The following CCDC144A variants were observed in gnomAD, a reference collection of about 807,000 sequenced individuals.
The protein encoded by CCDC144A is coiled-coil domain containing 144A, also known as coiled-coil domain-containing protein 144A.
In CCDC144A, 41 loss-of-function variants were observed where a neutral mutation model predicts 143.8. That is an observed-to-expected ratio of 0.29 (90% confidence interval 0.22 to 0.37). The LOEUF is 0.37. Ranked by LOEUF, CCDC144A falls within the 10% of genes least tolerant of loss-of-function variation. The pLI, the probability that CCDC144A is intolerant of heterozygous loss-of-function variation, is 1.00. For missense variants in CCDC144A, 637 were observed against 1,488.8 expected, an observed-to-expected ratio of 0.43 and a Z score of 9.41; for synonymous variants, 242 against 517.9, an observed-to-expected ratio of 0.47 and a Z score of 7.23.
chr17:16,680,244 C>T, the CCDC144A span, among the ~76,000 whole-genome samples: 2 of 151,924 alleles, frequency 1.3e-5, no homozygotes, highest in African/African-American at 4.8e-5. Flanking sequence ...GCCTGGGCAA[C>T]ATGGTGAACC....
intron 12 of CCDC144A, among the ~76,000 whole-genome samples, chr17:16,749,210 CTT>C (rs1914673285): frequency 6.6e-6 from 1 of 152,124 alleles, no homozygotes; most frequent in African/African-American, 2.4e-5. Flanking sequence ...ATCTGTCTAA[CTT>C]TTCAACATAT....
the CCDC144A span, among the ~76,000 whole-genome samples, chr17:16,684,527 C>T: frequency 5.9e-5 from 9 of 151,886 alleles, no homozygotes; most frequent in East Asian, 3.9e-4. Context: ...TGGTGGTGTG[C>T]GCCTGTGGTC....
intron 12 of CCDC144A, among the ~76,000 whole-genome samples, chr17:16,754,802 C>T (rs1406506012): frequency 6.6e-6 from 1 of 152,144 alleles, no homozygotes; most frequent in Non-Finnish European, 1.5e-5. Context: ...TTAGATGATC[C>T]CTTCAATGCT....
intron 12 of CCDC144A, among the ~76,000 whole-genome samples, chr17:16,751,215 CTT>C (rs1215247196): frequency 2.0e-5 from 3 of 150,796 alleles, no homozygotes; most frequent in African/African-American, 7.3e-5. Context: ...TTTTTATGTT[CTT>C]TTTTTTCTCT....
chr17:16,703,728 G>A (rs1309288033), intron 2 of CCDC144A, among the ~76,000 whole-genome samples: 1 of 152,008 alleles, frequency 6.6e-6, no homozygotes, highest in Non-Finnish European at 1.5e-5. Context: ...GCGTGAACCC[G>A]GCAGGTGGAG....
the CCDC144A span, among the ~76,000 whole-genome samples, chr17:16,677,234 A>C: frequency 6.6e-6 from 1 of 152,028 alleles, no homozygotes; most frequent in East Asian, 1.9e-4. Context: ...CAATTCTCCT[A>C]AAACTCCAAA....
At chr17:16,676,252 C>T in the CCDC144A span, among the ~76,000 whole-genome samples, 2 of 151,990 alleles carry the variant, frequency 1.3e-5, no homozygotes, top group African/African-American at 2.4e-5. Context: ...TGGCTCATGT[C>T]TGTATTCCCA....
intron 8 of CCDC144A, among the ~76,000 whole-genome samples, chr17:16,721,935 T>G (rs1171350909): frequency 6.6e-6 from 1 of 152,146 alleles, no homozygotes; most frequent in Non-Finnish European, 1.5e-5. Context: ...AGGTAGCTTT[T>G]ATTTCCTTTT....
intron 9 of CCDC144A, among the ~76,000 whole-genome samples, chr17:16,729,479 A>G (rs1284030933): frequency 1.3e-5 from 2 of 152,140 alleles, no homozygotes; most frequent in Non-Finnish European, 2.9e-5. Flanking sequence ...TGTCAGATGC[A>G]TAGTTTGCAA....
chr17:16,718,404 T>C (rs1023531508), intron 6 of CCDC144A, among the ~76,000 whole-genome samples: 1 of 152,178 alleles, frequency 6.6e-6, no homozygotes, highest in Admixed American at 6.5e-5. Context: ...GTTTATGAGA[T>C]TTAATTTTGT....
At chr17:16,772,867 A>C (rs1477084831) in intron 16 of CCDC144A, among the ~76,000 whole-genome samples, 1 of 152,214 alleles carries the variant, frequency 6.6e-6, no homozygotes, top group Non-Finnish European at 1.5e-5. Flanking sequence ...TTCAGGTTAT[A>C]GCATATGATT....
intron 14 of CCDC144A, 113 bp from the exon 15 acceptor site, chr17:16,763,852 T>A: frequency 7.9e-7 from 1 of 1,258,776 alleles, no homozygotes; most frequent in East Asian, 2.6e-5. Flanking sequence ...AAAACACGGC[T>A]TATGGTATAT....
At chr17:16,704,022 G>C (rs1911896375) in intron 2 of CCDC144A, among the ~76,000 whole-genome samples, 1 of 152,160 alleles carries the variant, frequency 6.6e-6, no homozygotes, top group Non-Finnish European at 1.5e-5. Flanking sequence ...TTGAACTCCA[G>C]GGATTCTCAG....
rs369471198 is a variant in CCDC144A, at chr17:16,722,348, G to A, written c.1891+1690G>A. On this transcript the variant is annotated intron_variant, in intron 8 of 16. Transcript: ENST00000399273. ...GATTTGCCAAAGCTTTATTTAGAGC[G>A]TTTTAAAAGACTATTTTTTAGAGTA... Among the ~76,000 whole-genome samples the A allele has an allele frequency of 5.7e-4, 86 of 152,138 alleles. No individual in the cohort carries two copies. The East Asian group carries it at 0.012, about 22-fold the overall frequency.
At chr17:16,703,134 G>T (rs1911827141) in intron 2 of CCDC144A, among the ~76,000 whole-genome samples, 1 of 152,144 alleles carries the variant, frequency 6.6e-6, no homozygotes, top group Non-Finnish European at 1.5e-5. Flanking sequence ...AAATATTATT[G>T]CCTAGAGGGA....
Position 16,773,709 on chromosome 17 carries a change from C to T in CCDC144A, c.*76C>T. Reference sequence around the variant, plus strand: ...TAAATATATGATGTGAACATTTTTACTAAAGGGAAATATTCTATATTATAC... The same window carrying T: ...TAAATATATGATGTGAACATTTTTATTAAAGGGAAATATTCTATATTATAC... On this transcript the variant is annotated 3_prime_UTR_variant, in exon 17 of 17. Transcript: ENST00000399273. 2 of 1,353,354 alleles carry T rather than the reference C, an allele frequency of 1.5e-6. No homozygotes were observed. The highest frequency in any genetic ancestry group is 9.8e-7 in the Non-Finnish European group (1 of 1,021,894). The allele number at this position is 1,353,354 out of a possible 1,614,324, so 83.8% of individuals were successfully genotyped here.
chr17:16,771,226 A>G (rs1915814366), intron 15 of CCDC144A, among the ~76,000 whole-genome samples: 1 of 152,278 alleles, frequency 6.6e-6, no homozygotes, highest in Non-Finnish European at 1.5e-5. Flanking sequence ...AAAAATGGGT[A>G]CTAATTTCTG....
chr17:16,674,260 C>A, the CCDC144A span, among the ~76,000 whole-genome samples: 1 of 151,874 alleles, frequency 6.6e-6, no homozygotes, highest in African/African-American at 2.4e-5. Context: ...CAAAAAATTA[C>A]AAAAATTGTC....
At chr17:16,746,118 C>A (rs917384035) in intron 12 of CCDC144A, 4 of 1,592,968 alleles carry the variant, frequency 2.5e-6, no homozygotes, top group Non-Finnish European at 2.6e-6. Context: ...ACCGGGAGCA[C>A]AGGATTCCTG....
Sources: allele counts gnomAD v4.1 joint callset (sites outside exome capture counted in the v4.1 genomes callset), GRCh38; gene constraint gnomAD v4.1.1; transcripts MANE v1.5; gene names NCBI Gene and HGNC (gene_info 2026-07-23, HGNC 2026-07-21).